The following JAKMIP1 variants were observed in gnomAD, a reference collection of about 807,000 sequenced individuals.
The protein encoded by JAKMIP1 is janus kinase and microtubule interacting protein 1.
In JAKMIP1, 33 loss-of-function variants were observed where a neutral mutation model predicts 113.0. The observed-to-expected ratio is 0.29, with a 90% CI of 0.22 to 0.39. The LOEUF is 0.39. Among genes scored for constraint, JAKMIP1 ranks in the 10% least tolerant of loss-of-function variants. JAKMIP1 has a pLI of 1.00. For synonymous variants in JAKMIP1, 480 were observed against 459.9 expected (o/e 1.04, Z -0.56); for missense variants, 813 against 1,080.5 (o/e 0.75, Z 3.47).
At chr4:6,165,975 C>G (rs182460239) in intron 1 of JAKMIP1, among the ~76,000 whole-genome samples, 2,515 of 152,224 alleles carry the variant, frequency 0.017, 18 homozygotes, top group Middle Eastern at 0.044. Context: ...GGGCTGCCGG[C>G]ATTTCTGGGT....
In JAKMIP1 at chr4:6,106,608, G is replaced by C. The variant is rs1031267939; in HGVS notation, c.130-641C>G. Reference sequence around the variant, plus strand: ...ATGAGGCAGCCAAAGATCAGAGACAGTCTGGTGAGCTGCCCAGGGTGAGGG... The same window carrying C: ...ATGAGGCAGCCAAAGATCAGAGACACTCTGGTGAGCTGCCCAGGGTGAGGG... On this transcript the variant is annotated intron_variant, in intron 2 of 20. Transcript: ENST00000409021. The surrounding 1 kb of genome is among the most constrained non-coding windows in gnomAD (Gnocchi z 5.9). 6.6e-6 allele frequency among the ~76,000 whole-genome samples: 1 copy of C among 152,086 alleles called. No individual in the cohort carries two copies. Among genetic ancestry groups the C allele is most frequent in the African/African-American group, 2.4e-5 (1 of 41,396 alleles).
intron 11 of JAKMIP1, 139 bp downstream of exon 11, chr4:6,060,285 G>A: frequency 1.4e-6 from 1 of 701,812 alleles, no homozygotes; most frequent in Admixed American, 2.0e-5. Context: ...GGTTCTGCTA[G>A]TGTTTTTTCC....
intron 20 of JAKMIP1, 114 bp downstream of exon 20, chr4:6,029,602 G>A (rs1560618934): frequency 1.4e-6 from 1 of 714,356 alleles, no homozygotes; most frequent in Non-Finnish European, 2.4e-6. Context: ...AAGAAGGGCA[G>A]AGAAAGGAGG....
chr4:6,084,220 G>C (rs1429652910), intron 5 of JAKMIP1, among the ~76,000 whole-genome samples: 1 of 151,868 alleles, frequency 6.6e-6, no homozygotes, highest in East Asian at 1.9e-4. Flanking sequence ...GGGAGGCTGA[G>C]GCAGGAGAAT....
chr4:6,119,373 C>T (rs936707789), intron 1 of JAKMIP1, among the ~76,000 whole-genome samples: 3 of 152,072 alleles, frequency 2.0e-5, no homozygotes, highest in South Asian at 2.1e-4. Context: ...GAAGAAACCC[C>T]CCTCTCGGCT....
At chr4:6,078,083 C>T (rs1312253125) in intron 8 of JAKMIP1, among the ~76,000 whole-genome samples, 2 of 152,142 alleles carry the variant, frequency 1.3e-5, no homozygotes, top group East Asian at 1.9e-4. Context: ...ATAAACCAAA[C>T]GGGGCACTTG....
Position 6,197,088 on chromosome 4 carries a change from A to G in JAKMIP1, c.-148+3165T>C, listed in dbSNP as rs920057707. On this transcript the variant is annotated intron_variant, in intron 1 of 20. Coordinates refer to ENST00000409021, the MANE Select transcript of JAKMIP1 (RefSeq NM_001099433.2). This position sits in a 1 kb window ranked among gnomAD's most constrained non-coding sequence, Gnocchi z 6.5. ...GTGTGGTGCCCGTGCAGCAAAGATG[A>G]GATAACCCGAGGCAGAAGCGGGAGG... 6.6e-6 allele frequency among the ~76,000 whole-genome samples: 1 copy of G among 152,142 alleles called. No homozygotes were observed. Among genetic ancestry groups the G allele is most frequent in the African/African-American group, 2.4e-5 (1 of 41,422 alleles).
intron 1 of JAKMIP1, among the ~76,000 whole-genome samples, chr4:6,173,680 G>GT (rs1320679235): frequency 6.6e-6 from 1 of 152,168 alleles, no homozygotes; most frequent in Non-Finnish European, 1.5e-5. Flanking sequence ...ATAGATGTGT[G>GT]TATTTCTATC....
intron 18 of JAKMIP1, among the ~76,000 whole-genome samples, chr4:6,036,398 C>T (rs1023493972): frequency 6.6e-6 from 1 of 152,248 alleles, no homozygotes. Context: ...CCTTAAGATG[C>T]ATGACTCAAA....
chr4:6,029,467 T>A (rs1021275341), intron 20 of JAKMIP1, among the ~76,000 whole-genome samples: 6 of 152,194 alleles, frequency 3.9e-5, no homozygotes, highest in African/African-American at 1.4e-4. Context: ...GAAAGTCTTT[T>A]GTGAAAAAGA....
At chr4:6,174,044 A>G (rs1725051740) in intron 1 of JAKMIP1, among the ~76,000 whole-genome samples, 1 of 152,252 alleles carries the variant, frequency 6.6e-6, no homozygotes, top group African/African-American at 2.4e-5. Context: ...GCAAGACTCC[A>G]TCTGAAAATA....
At chr4:6,131,173 A>AAAAAAAAAAAAAAAAAAAAG (rs71173409) in intron 1 of JAKMIP1, among the ~76,000 whole-genome samples, 3 of 95,490 alleles carry the variant, frequency 3.1e-5, no homozygotes, top group Non-Finnish European at 6.1e-5. Context: ...AAAAAAAAAA[A>AAAAAAAAAAAAAAAAAAAAG]AATATCCCAG....
chr4:6,190,823 C>T (rs1470482778), intron 1 of JAKMIP1, among the ~76,000 whole-genome samples: 1 of 152,230 alleles, frequency 6.6e-6, no homozygotes, highest in Non-Finnish European at 1.5e-5. Flanking sequence ...ACATGTCTCC[C>T]TTGTGGCTCC....
chr4:6,129,337 A>C lies in JAKMIP1; in HGVS notation c.-147-16340T>G, dbSNP rs1718189547. ...ACCCCATGCCAGCCAGGAACCATTGATATTTAAATGTGGCCTTTGGCTAAA... is the reference window on the plus strand; with the variant it reads ...ACCCCATGCCAGCCAGGAACCATTGCTATTTAAATGTGGCCTTTGGCTAAA... On this transcript the variant is annotated intron_variant, in intron 1 of 20. Transcript: ENST00000409021. This position sits in a 1 kb window ranked among gnomAD's most constrained non-coding sequence, Gnocchi z 5.4. Among the ~76,000 whole-genome samples, 1 of 152,212 alleles carries C rather than the reference A, an allele frequency of 6.6e-6. No individual in the cohort carries two copies. Among genetic ancestry groups the C allele is most frequent in the Non-Finnish European group, 1.5e-5 (1 of 68,028 alleles).
chr4:6,102,041 TCTC>T (rs1560187245), intron 3 of JAKMIP1, among the ~76,000 whole-genome samples: 1 of 152,300 alleles, frequency 6.6e-6, no homozygotes, highest in South Asian at 2.1e-4. Flanking sequence ...TTGATTTAGA[TCTC>T]CTTAAGTTTT....
At chr4:6,117,284 A>C (rs1320847070) in intron 1 of JAKMIP1, among the ~76,000 whole-genome samples, 3 of 152,230 alleles carry the variant, frequency 2.0e-5, no homozygotes, top group African/African-American at 7.2e-5. Context: ...AAATAAAAGA[A>C]TAGAGTACAA....
rs985821162 is a variant in JAKMIP1 at position 6,116,478 on chromosome 4, G to T, written c.-147-3481C>A. Among the ~76,000 whole-genome samples, 2 of 152,292 alleles carry T rather than the reference G, an allele frequency of 1.3e-5. No homozygotes were observed. The highest frequency in any genetic ancestry group is 2.4e-5 in the African/African-American group (1 of 41,566). ...ACAGGAGGCGGAGTCCTCAGAGAAG[G>T]CTCCTTCCTGAAGGCACGGGGACCT... On this transcript the variant is annotated intron_variant, in intron 1 of 20. Coordinates refer to ENST00000409021, the MANE Select transcript of JAKMIP1 (RefSeq NM_001099433.2). The surrounding 1 kb of genome is among the most constrained non-coding windows in gnomAD (Gnocchi z 5.1).
intron 3 of JAKMIP1, among the ~76,000 whole-genome samples, chr4:6,090,703 G>A (rs192451956): frequency 1.4e-3 from 211 of 151,518 alleles, no homozygotes; most frequent in African/African-American, 5.0e-3. Flanking sequence ...GACCATGACC[G>A]CCTTAGAATG....
chr4:6,073,382 G>A (rs144455925), intron 8 of JAKMIP1, among the ~76,000 whole-genome samples: 1 of 152,312 alleles, frequency 6.6e-6, no homozygotes, highest in African/African-American at 2.4e-5. Context: ...TTGGGGAGGA[G>A]GGGACACAGC....
Sources: allele counts gnomAD v4.1 joint callset (sites outside exome capture counted in the v4.1 genomes callset), GRCh38; gene constraint gnomAD v4.1.1; non-coding constraint Gnocchi (gnomAD v3.1); transcripts MANE v1.5; gene names NCBI Gene and HGNC (gene_info 2026-07-23, HGNC 2026-07-21).